Variants in CDHR5 observed in about 807,000 individuals in gnomAD.
The protein encoded by CDHR5 is cadherin-related family member 5.
A neutral mutation model predicts 69.5 loss-of-function variants in CDHR5; 82 were observed. The ratio of observed to expected loss-of-function variants is 1.18; its 90% CI spans 0.99 to 1.42. The LOEUF is 1.42. Ranked by LOEUF, CDHR5 falls within the 40% of genes most tolerant of loss-of-function variation. The pLI, the probability that CDHR5 is intolerant of heterozygous loss-of-function variation, is 0.00. For synonymous variants in CDHR5, 601 were observed against 510.2 expected (o/e 1.18, Z -2.40); for missense variants, 1,293 against 1,168.9 (o/e 1.11, Z -1.55).
At position 621,297 on chromosome 11, in the gene CDHR5, CG is replaced by C. The variant is rs1857366087; in HGVS notation, c.618+47del. The C allele has an allele frequency of 6.2e-7, 1 of 1,610,618 alleles. No individual in the cohort carries two copies. Among genetic ancestry groups the C allele is most frequent in the Non-Finnish European group, 8.5e-7 (1 of 1,177,968 alleles). On this transcript the variant is annotated intron_variant, in intron 6 of 14. Coordinates refer to ENST00000397542, the MANE Select transcript of CDHR5 (RefSeq NM_021924.5). This position sits in a 1 kb window ranked among gnomAD's most constrained non-coding sequence, Gnocchi z 4.4. ...GATCAGGCCTGGGAGCAGCTGGGGC[CG>C]GGGGGCCTCAAGTGTGTGGGACTCG...
chr11:624,460 A>G lies in CDHR5; in HGVS notation c.261+97T>C. 8.0e-7 allele frequency: 1 copy of G among 1,249,516 alleles called. No individual in the cohort carries two copies. Among genetic ancestry groups the G allele is most frequent in the Middle Eastern group, 1.9e-4 (1 of 5,372 alleles). 77.4% of individuals were successfully genotyped at this position (1,249,516 alleles called of 1,614,324 possible). A position where few individuals can be genotyped will look rare whatever the true frequency, so the allele number is the denominator to read the frequency against. ...AGCATGGGTGTCAGTGGATGCCCGC[A>G]GGCATAGAACTCCTAGGCCCCCAAG... is the stretch of plus-strand genomic sequence containing the variant. On this transcript the variant is annotated intron_variant, in intron 2 of 14. Coordinates refer to ENST00000397542, the MANE Select transcript of CDHR5 (RefSeq NM_021924.5). The surrounding 1 kb of genome is among the most constrained non-coding windows in gnomAD (Gnocchi z 5.3).
intron 3 of CDHR5, among the ~76,000 whole-genome samples, chr11:622,579 C>T (rs1327348659): frequency 6.6e-6 from 1 of 152,026 alleles, no homozygotes; most frequent in Non-Finnish European, 1.5e-5. Context: ...CCTGCCTCGG[C>T]CTCTGCCCAC....
At chr11:620,599 G>T (rs7932167) in intron 7 of CDHR5, among the ~76,000 whole-genome samples, 110,948 of 152,086 alleles carry the variant, frequency 0.73, 40,763 homozygotes, top group Non-Finnish European at 0.78. Flanking sequence ...TGAGTCCAGT[G>T]GCCCAAAGAT....
Position 624,798 on chromosome 11 carries a change from C to T in CDHR5, c.85+20G>A. 2 of 1,608,660 alleles carry T rather than the reference C, an allele frequency of 1.2e-6. No individual in the cohort carries two copies. The highest frequency in any genetic ancestry group is 1.1e-5 in the South Asian group (1 of 90,840). On this transcript the variant is annotated intron_variant, in intron 1 of 14. Coordinates refer to ENST00000397542, the MANE Select transcript of CDHR5 (RefSeq NM_021924.5). The surrounding 1 kb of genome is among the most constrained non-coding windows in gnomAD (Gnocchi z 5.3). ...TGGCTCCCCGCCGCCCGTGCCCCAC[C>T]TACCCCTGCCCGCACATACACTGGG...
chr11:621,597 C>T lies in CDHR5; in HGVS notation c.472G>A (p.Asp158Asn), dbSNP rs759107096. The T allele has an allele frequency of 1.4e-5, 22 of 1,613,558 alleles. No homozygotes were observed. The highest frequency in any genetic ancestry group is 6.7e-5 in the African/African-American group (5 of 74,804). ...QLQAEDRDKD[D>N]ILFYTLQEMT... ...TCCTGGAGGGTGTAGAACAGAATGT[C>T]GTCCTTGTCGCGGTCCTCAGCCTGC... Residue 158 changes from aspartate (D) to asparagine (N), a missense_variant, in exon 5 of 15, where the codon GAC becomes AAC. Coordinates refer to ENST00000397542, the MANE Select transcript of CDHR5 (RefSeq NM_021924.5). The surrounding 1 kb of genome is among the most constrained non-coding windows in gnomAD (Gnocchi z 4.4).
chr11:616,966 TGAGATGAG>T lies in CDHR5; in HGVS notation c.*377_*384del. 4.0e-6 allele frequency: 1 copy of T among 248,066 alleles called. No individual in the cohort carries two copies. Among genetic ancestry groups the T allele is most frequent in the South Asian group, 7.7e-5 (1 of 13,006 alleles). The allele number at this position is 248,066 out of a possible 1,614,324, so 15.4% of individuals were successfully genotyped here. On this transcript the variant is annotated 3_prime_UTR_variant, in exon 15 of 15. Transcript: ENST00000397542. Reference sequence around the variant, plus strand: ...TGTGTAGGGTCGGGAGCGGGAGGTCTGAGATGAGCCGGGTGCCTGAGATCTCCGGTGCA... The same window carrying T: ...TGTGTAGGGTCGGGAGCGGGAGGTCTCCGGGTGCCTGAGATCTCCGGTGCA...
At chr11:618,536 C>A in intron 13 of CDHR5, 63 bp downstream of exon 13, 1 of 1,583,476 alleles carries the variant, frequency 6.3e-7, no homozygotes. Context: ...ACCCTTCCTA[C>A]AGCGTTTCCC....
At chr11:622,843 C>T (rs1452265966) in intron 3 of CDHR5, among the ~76,000 whole-genome samples, 2 of 152,120 alleles carry the variant, frequency 1.3e-5, no homozygotes, top group African/African-American at 4.8e-5. Context: ...TCACTTTCTA[C>T]CTCAAATGTC....
At chr11:623,042 C>T (rs968816470) in intron 3 of CDHR5, among the ~76,000 whole-genome samples, 46 of 151,996 alleles carry the variant, frequency 3.0e-4, no homozygotes, top group African/African-American at 1.1e-3. Flanking sequence ...GGCACGGTGG[C>T]TCACACCTGT....
In CDHR5 at chr11:617,283, C is replaced by A. The variant is rs1055235582; in HGVS notation, c.*68G>T. Reference sequence around the variant, plus strand: ...TCGGGAGCCTTGCTTTATTCTGCCTCGGGTCGGAGGCTGGGGGAGCGAGAC... The same window carrying A: ...TCGGGAGCCTTGCTTTATTCTGCCTAGGGTCGGAGGCTGGGGGAGCGAGAC... On this transcript the variant is annotated 3_prime_UTR_variant, in exon 15 of 15. Transcript: ENST00000397542. 4 of 1,278,836 alleles carry A rather than the reference C, an allele frequency of 3.1e-6. No homozygotes were observed. Among genetic ancestry groups the A allele is most frequent in the Non-Finnish European group, 3.3e-6 (3 of 914,416 alleles). 79.2% of individuals were successfully genotyped at this position (1,278,836 alleles called of 1,614,324 possible). A position where few individuals can be genotyped will look rare whatever the true frequency, so the allele number is the denominator to read the frequency against.
Position 621,239 on chromosome 11 carries a change from C to T in CDHR5, c.630G>A (p.Gly210=), listed in dbSNP as rs759277469. Residue 210 remains glycine (G), a synonymous_variant, in exon 7 of 15, where the codon GGG becomes GGA. Coordinates refer to ENST00000397542, the MANE Select transcript of CDHR5 (RefSeq NM_021924.5). The surrounding 1 kb of genome is among the most constrained non-coding windows in gnomAD (Gnocchi z 4.4). ...CAGTGTGGCTGGGTTCCACATTCTC[C>T]CCCGGAGTGTCCTGCAACAGACGGC... The part of the protein sequence containing the change: ...TFWLLVRDTP[G]ENVEPSHTAT... 2.5e-6 allele frequency: 4 copies of T among 1,599,116 alleles called. No individual in the cohort carries two copies. Among genetic ancestry groups the T allele is most frequent in the Non-Finnish European group, 3.4e-6 (4 of 1,171,168 alleles).
At position 621,039 on chromosome 11, in the gene CDHR5, A is replaced by G. The variant is rs1362873012; in HGVS notation, c.789+41T>C. 3.5e-6 allele frequency: 5 copies of G among 1,439,522 alleles called. No homozygotes were observed. In the East Asian group the frequency reaches 7.1e-5, roughly 20 times the overall value. The allele number at this position is 1,439,522 out of a possible 1,614,324, so 89.2% of individuals were successfully genotyped here. On this transcript the variant is annotated intron_variant, in intron 7 of 14. Coordinates refer to ENST00000397542, the MANE Select transcript of CDHR5 (RefSeq NM_021924.5). The surrounding 1 kb of genome is among the most constrained non-coding windows in gnomAD (Gnocchi z 4.4). ...GGCCGTCCCTGTGTCCAGCCTGCCT[A>G]GAAGGCCCTGCCCCGTGCACTGCCC...
Position 619,497 on chromosome 11 carries a change from G to C in CDHR5, c.1270C>G (p.Gln424Glu), listed in dbSNP as rs1857223076. ...ACCTCTGCGTAGAAGGCTCCCGCCT[G>C]TGCCAGTGTGGTGGTGGTCAGCACA... ...EVVLTTTTLA[Q>E]AGAFYAEVEA... Residue 424 changes from glutamine to glutamate, a missense_variant, in exon 11 of 15, where the codon CAG (glutamine) becomes GAG (glutamate). Gln to Glu is a conservative substitution (Grantham distance 29). Coordinates refer to ENST00000397542, the MANE Select transcript of CDHR5 (RefSeq NM_021924.5). 1 of 1,613,488 alleles carries C rather than the reference G, an allele frequency of 6.2e-7. No homozygotes were observed.
intron 7 of CDHR5, 135 bp from the exon 8 acceptor site, chr11:620,521 C>T (rs1857311357): frequency 8.2e-6 from 5 of 606,346 alleles, no homozygotes; most frequent in Non-Finnish European, 1.5e-5. Context: ...GCGTCCCTGC[C>T]TGCCTAGGAC....
intron 7 of CDHR5, among the ~76,000 whole-genome samples, chr11:620,719 G>C (rs1426706825): frequency 6.6e-6 from 1 of 152,170 alleles, no homozygotes; most frequent in Admixed American, 6.5e-5. Context: ...GGTGGCCCCA[G>C]GTGCCTTGGT....
At position 619,044 on chromosome 11, in the gene CDHR5, G is replaced by T. The variant is rs961460085; in HGVS notation, c.1515C>A (p.Pro505=). ...TTGGTGGCCTCAGAGTTGTGCCAGA[G>T]GGTGGATGAGGGCCTGTGCCTCCCC... ...SSGGGTGPHP[P]SGTTLRPPTS... The change falls in exon 13 of 15, where the codon CCC becomes CCA. Residue 505 remains proline (P), a synonymous_variant. Transcript: ENST00000397542. 1 of 1,613,318 alleles carries T rather than the reference G, an allele frequency of 6.2e-7. No homozygotes were observed. Among genetic ancestry groups the T allele is most frequent in the African/African-American group, 1.3e-5 (1 of 74,990 alleles).
Position 619,897 on chromosome 11 carries a change from G to A in CDHR5, c.979-16C>T. The A allele has an allele frequency of 6.6e-7, 1 of 1,524,844 alleles. No homozygotes were observed. The allele number at this position is 1,524,844 out of a possible 1,614,324, so 94.5% of individuals were successfully genotyped here. A position where few individuals can be genotyped will look rare whatever the true frequency, so the allele number is the denominator to read the frequency against. On this transcript the variant is annotated splice_polypyrimidine_tract_variant and intron_variant, in intron 9 of 14. Coordinates refer to ENST00000397542, the MANE Select transcript of CDHR5 (RefSeq NM_021924.5). Reference sequence around the variant, plus strand: ...CCTGTTGGCCCTGGAGGCGGGGGAGGCAGCAGTGACTAGTGGGGTTGAAGG... The same window carrying A: ...CCTGTTGGCCCTGGAGGCGGGGGAGACAGCAGTGACTAGTGGGGTTGAAGG...
chr11:618,363 G>A (rs933757520), intron 13 of CDHR5, among the ~76,000 whole-genome samples: 1 of 152,192 alleles, frequency 6.6e-6, no homozygotes, highest in African/African-American at 2.4e-5. Context: ...CAGGGTGAGC[G>A]GCAGCCGTGG....
In CDHR5 at chr11:620,284, G is replaced by A; in HGVS notation, c.880+12C>T. On this transcript the variant is annotated intron_variant, in intron 8 of 14. Coordinates refer to ENST00000397542, the MANE Select transcript of CDHR5 (RefSeq NM_021924.5). ...GGGTACAGGGCATTGTTGAGGGCTG[G>A]GCCCCACTCACCCCTAAAGATGCTG... The A allele has an allele frequency of 6.2e-7, 1 of 1,605,122 alleles. No individual in the cohort carries two copies. Among genetic ancestry groups the A allele is most frequent in the Non-Finnish European group, 8.5e-7 (1 of 1,173,594 alleles).
Sources: allele counts gnomAD v4.1 joint callset (sites outside exome capture counted in the v4.1 genomes callset), GRCh38; gene constraint gnomAD v4.1.1; non-coding constraint Gnocchi (gnomAD v3.1); transcripts MANE v1.5; gene names NCBI Gene and HGNC (gene_info 2026-07-23, HGNC 2026-07-21).